Variants in PPP2R1B observed in about 807,000 individuals in gnomAD.
PPP2R1B encodes the protein protein phosphatase 2 scaffold subunit Abeta, also known as serine/threonine-protein phosphatase 2A 65 kDa regulatory subunit A beta isoform.
Under a neutral mutation model 72.7 loss-of-function variants are expected in PPP2R1B, and 58 were observed. The observed-to-expected ratio is 0.80, with a 90% CI of 0.65 to 0.99. The LOEUF is 0.99. Among genes scored for constraint, PPP2R1B ranks in the 50% least tolerant of loss-of-function variants. PPP2R1B has a pLI of 0.00. For synonymous variants in PPP2R1B, 256 were observed against 264.6 expected (o/e 0.97, Z 0.32); for missense variants, 695 against 733.6 (o/e 0.95, Z 0.61).
the PPP2R1B span, among the ~76,000 whole-genome samples, chr11:111,709,859 G>C: frequency 6.6e-6 from 1 of 152,192 alleles, no homozygotes. Context: ...GGTCGGATGT[G>C]AACACTGTCA....
chr11:111,704,916 T>TG, the PPP2R1B span: 10 of 1,476,512 alleles, frequency 6.8e-6, no homozygotes, highest in African/African-American at 3.0e-5. Context: ...TCCTCTTTTT[T>TG]TTTAGGCATG....
downstream of PPP2R1B, chr11:111,722,564 A>G: frequency 9.0e-7 from 1 of 1,114,760 alleles, no homozygotes; most frequent in Non-Finnish European, 1.3e-6. This position sits in a 1 kb window ranked among gnomAD's most constrained non-coding sequence, Gnocchi z 4.4. Flanking sequence ...TGGATTCTGT[A>G]GAATGCAGTT....
In PPP2R1B at chr11:111,753,508, T is replaced by C. The variant is rs781903311; in HGVS notation, c.1099A>G (p.Ile367Val). The change falls in exon 9 of 15, where the codon ATT (isoleucine) becomes GTT (valine). Residue 367 changes from isoleucine (I) to valine (V), a missense_variant. By Grantham distance (29) the Ile-to-Val change is conservative. Transcript: ENST00000527614. ...TCAATGGTATTTTCTTTGCCCAAAA[T>C]AGTAGACAATCCCATAATTACAGAA... ...LASVIMGLST[I>V]LGKENTIEHL... is the part of the protein sequence containing the mutation. 6.2e-7 allele frequency: 1 copy of C among 1,613,206 alleles called. No individual in the cohort carries two copies. Among genetic ancestry groups the C allele is most frequent in the South Asian group, 1.1e-5 (1 of 91,022 alleles).
chr11:111,729,301 C>T (rs762633963), intron 15 of PPP2R1B: 1 of 152,316 alleles, frequency 6.6e-6, no homozygotes, highest in African/African-American at 2.4e-5. Context: ...CAGCAGTGCT[C>T]GCAGACCCAC....
chr11:111,700,879 C>T, the PPP2R1B span: 2 of 1,613,652 alleles, frequency 1.2e-6, no homozygotes, highest in Non-Finnish European at 1.7e-6. Context: ...TATTTCCATC[C>T]TAATAGATTT....
At chr11:111,715,874 TC>T in the PPP2R1B span, among the ~76,000 whole-genome samples, 4 of 134,792 alleles carry the variant, frequency 3.0e-5, no homozygotes, top group African/African-American at 8.3e-5. Flanking sequence ...CGATCTCAGC[TC>T]ATTGCAACCT....
intron 15 of PPP2R1B, chr11:111,729,439 A>AAT (rs1944107742): frequency 6.6e-6 from 1 of 152,220 alleles, no homozygotes. Context: ...AATTCTATGA[A>AAT]ATTAGCTGGG....
the PPP2R1B span, chr11:111,720,437 G>T: frequency 1.5e-5 from 23 of 1,544,744 alleles, no homozygotes; most frequent in South Asian, 2.9e-4. Context: ...CCAAGGAGAT[G>T]CTATTGCTGT....
chr11:111,701,706 T>C, the PPP2R1B span: 2 of 1,205,258 alleles, frequency 1.7e-6, no homozygotes, highest in Non-Finnish European at 2.3e-6. The surrounding 1 kb of genome is among the most constrained non-coding windows in gnomAD (Gnocchi z 4.2). Context: ...GGTTAAAAGC[T>C]ATAGAAAGAA....
chr11:111,736,532 G>C (rs541179366), downstream of PPP2R1B, among the ~76,000 whole-genome samples: 1 of 152,288 alleles, frequency 6.6e-6, no homozygotes, highest in African/African-American at 2.4e-5. Flanking sequence ...AATCCAACTG[G>C]ACAGTGGTCA....
At chr11:111,756,640 A>T (rs1945130836) in intron 5 of PPP2R1B, among the ~76,000 whole-genome samples, 1 of 152,232 alleles carries the variant, frequency 6.6e-6, no homozygotes, top group Non-Finnish European at 1.5e-5. Flanking sequence ...GAAATCAAAA[A>T]CAAAAATCAG....
At chr11:111,734,030 T>C (rs73564834), downstream of PPP2R1B, among the ~76,000 whole-genome samples, 1,577 of 152,186 alleles carry the variant, frequency 0.01, 43 homozygotes, top group African/African-American at 0.036. Flanking sequence ...AGGCAAATCA[T>C]TGTAAAGGCT....
At chr11:111,711,050 G>C in the PPP2R1B span, among the ~76,000 whole-genome samples, 684 of 152,150 alleles carry the variant, frequency 4.5e-3, 4 homozygotes, top group Non-Finnish European at 7.2e-3. Flanking sequence ...GTGATGAAAG[G>C]ATCATTCAGC....
chr11:111,765,730 G>C (rs1438686092), intron 1 of PPP2R1B: 1 of 487,314 alleles, frequency 2.1e-6, no homozygotes, highest in Non-Finnish European at 4.0e-6. Flanking sequence ...TGGTTTCAAA[G>C]AAAAGTTCCC....
At chr11:111,725,558 T>C (rs1943938725), downstream of PPP2R1B, 1 of 152,702 alleles carries the variant, frequency 6.5e-6, no homozygotes, top group Non-Finnish European at 1.5e-5. Flanking sequence ...GTGTTAATTC[T>C]AAAGATGATC....
At chr11:111,727,218 T>G (rs1162628873) in intron 15 of PPP2R1B, 1 of 641,508 alleles carries the variant, frequency 1.6e-6, no homozygotes, top group Non-Finnish European at 2.8e-6. Context: ...CCATCCACCT[T>G]GAGAATCCCT....
chr11:111,744,615 G>A (rs932672916), intron 11 of PPP2R1B, among the ~76,000 whole-genome samples: 6 of 152,040 alleles, frequency 3.9e-5, no homozygotes, highest in Non-Finnish European at 5.9e-5. Context: ...TTAACAAATC[G>A]AGGGTGGTAG....
the PPP2R1B span, among the ~76,000 whole-genome samples, chr11:111,690,961 G>T: frequency 1.3e-5 from 2 of 152,168 alleles, no homozygotes; most frequent in South Asian, 4.1e-4. Flanking sequence ...GCAGAGAAAG[G>T]TTATAGGTGT....
chr11:111,737,862 G>A, downstream of PPP2R1B: 1 of 1,220,932 alleles, frequency 8.2e-7, no homozygotes, highest in African/African-American at 1.5e-5. Flanking sequence ...CCAACCACAG[G>A]AAAGACCTGG....
Sources: allele counts gnomAD v4.1 joint callset (sites outside exome capture counted in the v4.1 genomes callset), GRCh38; gene constraint gnomAD v4.1.1; non-coding constraint Gnocchi (gnomAD v3.1); transcripts MANE v1.5; gene names NCBI Gene and HGNC (gene_info 2026-07-23, HGNC 2026-07-21).